PTCH1: variants seen among roughly 807,000 people sequenced by gnomAD.
PTCH1 encodes patched 1, also known as protein patched homolog 1.
Under a neutral mutation model 144.6 loss-of-function variants are expected in PTCH1, and 14 were observed. That is an observed-to-expected ratio of 0.10 (90% CI 0.06 to 0.15). The LOEUF is 0.15. Ranked by LOEUF, PTCH1 falls within the 10% of genes least tolerant of loss-of-function variation. The pLI is 1.00. For missense variants in PTCH1, 1,623 were observed against 1,948.3 expected (o/e 0.83, Z 3.14); for synonymous variants, 833 against 793.6 (o/e 1.05, Z -0.83).
Position 95,476,935 on chromosome 9 carries a change from G to T in PTCH1, c.1504-78C>A. ...TGATTCTAAAGCTAGTTAGGACTCT[G>T]CCACCAGCACCTAACAGCTCCTGAA... is the stretch of plus-strand genomic sequence containing the variant. On this transcript the variant is annotated intron_variant, in intron 10 of 23. Transcript: ENST00000331920. The surrounding 1 kb of genome is among the most constrained non-coding windows in gnomAD (Gnocchi z 4.6). 2.9e-6 allele frequency: 4 copies of T among 1,356,072 alleles called. No homozygotes were observed. In the South Asian group the frequency reaches 3.7e-5, roughly 12 times the overall value. The allele number at this position is 1,356,072 out of a possible 1,614,324, so 84.0% of individuals were successfully genotyped here. A position where few individuals can be genotyped will look rare whatever the true frequency, so the allele number is the denominator to read the frequency against.
intron 6 of PTCH1, 27 bp from the exon 7 acceptor site, chr9:95,480,117 T>C: frequency 1.2e-6 from 2 of 1,613,588 alleles, no homozygotes; most frequent in East Asian, 2.2e-5. Context: ...GCCACATAAT[T>C]ATGGGAATTA....
intron 16 of PTCH1, among the ~76,000 whole-genome samples, chr9:95,460,366 G>A (rs771008900): frequency 1.6e-4 from 25 of 152,164 alleles, no homozygotes; most frequent in Admixed American, 7.9e-4. Context: ...GTAGTACTCC[G>A]CACGCCGCGT....
At chr9:95,459,424 G>A (rs2136668584) in intron 17 of PTCH1, among the ~76,000 whole-genome samples, 176 bp downstream of exon 17, 1 of 152,306 alleles carries the variant, frequency 6.6e-6, no homozygotes, top group East Asian at 1.9e-4. Flanking sequence ...GAGTGCGGGG[G>A]TTGTATCCCA....
intron 12 of PTCH1, among the ~76,000 whole-genome samples, chr9:95,472,498 G>A (rs1245510858): frequency 6.6e-6 from 1 of 152,160 alleles, no homozygotes; most frequent in Non-Finnish European, 1.5e-5. Context: ...TGTCATCCTG[G>A]GGGCCGAATC....
intron 16 of PTCH1, 92 bp from the exon 17 acceptor site, chr9:95,459,875 G>T: frequency 7.3e-7 from 1 of 1,361,718 alleles, no homozygotes. Context: ...GCTTCGCACA[G>T]CATTACAACA....
At chr9:95,452,316 A>C (rs895853545) in intron 20 of PTCH1, 1 of 112,652 alleles carries the variant, frequency 8.9e-6, no homozygotes, top group Middle Eastern at 3.7e-3. Flanking sequence ...TAAGAAGCGT[A>C]TCTCTCTCTC....
At chr9:95,502,503 G>C (rs1208373751) in intron 2 of PTCH1, among the ~76,000 whole-genome samples, 2 of 152,194 alleles carry the variant, frequency 1.3e-5, no homozygotes, top group East Asian at 1.9e-4. Context: ...TGCAACAGCA[G>C]ATGTCCACTA....
chr9:95,516,908 A>C, exon 1 of PTCH1: 2 of 1,125,186 alleles, frequency 1.8e-6, no homozygotes, highest in Non-Finnish European at 2.5e-6. Flanking sequence ...CTTTACAATA[A>C]ACTCAAGGAA....
At chr9:95,461,768 G>C (rs2136684535) in intron 16 of PTCH1, 88 bp downstream of exon 16, 1 of 1,557,644 alleles carries the variant, frequency 6.4e-7, no homozygotes, top group East Asian at 2.3e-5. Context: ...GAGAGCACAG[G>C]GTGGGGTCAC....
At chr9:95,450,367 T>C in intron 20 of PTCH1, 1 of 285,502 alleles carries the variant, frequency 3.5e-6, no homozygotes, top group Non-Finnish European at 6.8e-6. Flanking sequence ...GTGAAGGGTG[T>C]AGAATTTAAA....
chr9:95,462,205 G>T (rs28698995), intron 15 of PTCH1, among the ~76,000 whole-genome samples: 1 of 152,068 alleles, frequency 6.6e-6, no homozygotes, highest in Admixed American at 6.5e-5. Context: ...TGCTCAAAAG[G>T]GGGGAAGGAG....
chr9:95,504,485 G>A (rs1392957603), intron 2 of PTCH1, among the ~76,000 whole-genome samples: 1 of 152,142 alleles, frequency 6.6e-6, no homozygotes. Flanking sequence ...ACAAAATCAC[G>A]TTTTGTCATC....
rs1231913516 is a variant in PTCH1, at chr9:95,476,731, A to G, written c.1602+28T>C. The stretch of plus-strand genomic sequence containing the variant: ...AACAGAGGAAGCTGTGATGTCCCCA[A>G]AGCTCTCTTCTTTTGTTTTTGCATT... On this transcript the variant is annotated intron_variant, in intron 11 of 23. Coordinates refer to ENST00000331920, the MANE Select transcript of PTCH1 (RefSeq NM_000264.5). The surrounding 1 kb of genome is among the most constrained non-coding windows in gnomAD (Gnocchi z 4.6). The G allele has an allele frequency of 1.3e-6, 2 of 1,586,810 alleles. No individual in the cohort carries two copies. The highest frequency in any genetic ancestry group is 1.7e-5 in the Admixed American group (1 of 59,500).
At position 95,509,220 on chromosome 9, in the gene PTCH1, A is replaced by G. The variant is rs995121736; in HGVS notation, c.-859T>C. ...ATGAGATGGAAGAAGAAAAAAAAGA[A>G]CTCTCTCCATTTGGAGAAAGAAGAG... On this transcript the variant is annotated 5_prime_UTR_variant, in exon 1 of 24. Transcript: ENST00000331920. 1.5e-5 allele frequency among the ~76,000 whole-genome samples: 2 copies of G among 133,902 alleles called. No individual in the cohort carries two copies. Among genetic ancestry groups the G allele is most frequent in the Admixed American group, 1.7e-4 (2 of 11,932 alleles). The allele number at this position is 133,902 out of a possible 152,430, so 87.8% of individuals were successfully genotyped here.
chr9:95,469,740 C>T, intron 13 of PTCH1, 73 bp downstream of exon 13: 2 of 1,380,488 alleles, frequency 1.4e-6, no homozygotes, highest in Non-Finnish European at 2.1e-6. Flanking sequence ...TTTATAAGTC[C>T]ACAGGCTGAA....
chr9:95,507,687 C>T (rs1052645302), intron 1 of PTCH1: 16 of 176,600 alleles, frequency 9.1e-5, no homozygotes, highest in Non-Finnish European at 1.8e-4. Flanking sequence ...TCCCCCCTTC[C>T]TCTCTCCGCC....
At chr9:95,510,613 C>T (rs2118930400), upstream of PTCH1, among the ~76,000 whole-genome samples, 1 of 151,764 alleles carries the variant, frequency 6.6e-6, no homozygotes, top group South Asian at 2.1e-4. Flanking sequence ...TGATTTGCTT[C>T]ACTTTATTTT....
intron 5 of PTCH1, among the ~76,000 whole-genome samples, chr9:95,481,645 C>T (rs186256011): frequency 5.3e-5 from 8 of 152,278 alleles, no homozygotes; most frequent in African/African-American, 7.2e-5. Context: ...TTCGAAACTA[C>T]GAACATTTTA....
chr9:95,511,370 C>T (rs1177868483), upstream of PTCH1, among the ~76,000 whole-genome samples: 1 of 152,218 alleles, frequency 6.6e-6, no homozygotes, highest in Non-Finnish European at 1.5e-5. Context: ...TCTCCTCCTC[C>T]CCGGCTTCAG....
Sources: gnomAD v4.1 joint callset for allele counts (sites outside exome capture counted in the v4.1 genomes callset) on GRCh38, gnomAD v4.1.1 for gene constraint, Gnocchi (gnomAD v3.1) non-coding constraint, MANE v1.5 for transcripts, NCBI Gene and HGNC (gene_info 2026-07-23, HGNC 2026-07-21) for gene names.